JPH1: variants seen among roughly 807,000 people sequenced by gnomAD.
JPH1 encodes junctophilin-1.
JPH1 carries 12 observed loss-of-function variants against 53.6 expected under a neutral mutation model. That is an observed-to-expected ratio of 0.22 (90% confidence interval 0.14 to 0.36). JPH1 has a LOEUF of 0.36. Among genes scored for constraint, JPH1 ranks in the 10% least tolerant of loss-of-function variants. The pLI is 1.00. For synonymous variants in JPH1, 375 were observed against 363.8 expected, an observed-to-expected ratio of 1.03 and a Z score of -0.35; for missense variants, 808 against 905.5, an observed-to-expected ratio of 0.89 and a Z score of 1.38.
chr8:74,243,289 T>G (rs1193734423), intron 4 of JPH1, among the ~76,000 whole-genome samples: 1 of 152,232 alleles, frequency 6.6e-6, no homozygotes. Flanking sequence ...AAATGAATGC[T>G]TACTGAAGAG....
intron 2 of JPH1, among the ~76,000 whole-genome samples, chr8:74,260,501 T>A (rs968013145): frequency 1.8e-4 from 28 of 152,318 alleles, no homozygotes; most frequent in African/African-American, 6.3e-4. Context: ...CTTTGTAAAT[T>A]TTCTATTATA....
chr8:74,285,127 G>C (rs1807125475), intron 2 of JPH1, among the ~76,000 whole-genome samples: 1 of 151,850 alleles, frequency 6.6e-6, no homozygotes, highest in Non-Finnish European at 1.5e-5. Flanking sequence ...CTAGCCTATG[G>C]TTACTATTTC....
intron 2 of JPH1, among the ~76,000 whole-genome samples, chr8:74,271,498 A>G (rs1405524814): frequency 1.3e-5 from 2 of 152,212 alleles, no homozygotes; most frequent in Non-Finnish European, 2.9e-5. Flanking sequence ...ACATGACAAC[A>G]GATTTGGTGA....
rs147819768 is a variant in JPH1 at position 74,257,068 on chromosome 8, G to A, written c.1258+2317C>T. On this transcript the variant is annotated intron_variant, in intron 3 of 5. Coordinates refer to ENST00000342232, the MANE Select transcript of JPH1 (RefSeq NM_020647.4). ...TGTAAATGCAAAGTGGAGAGCATGA[G>A]TTATGCTCCCTTAAGAAGATCAATA... Among the ~76,000 whole-genome samples the A allele has an allele frequency of 4.3e-3, 649 of 152,304 alleles. 1 individual carries two copies. The highest frequency in any genetic ancestry group is 0.014 in the African/African-American group (590 of 41,564).
chr8:74,295,971 AC>A (rs947367544), intron 2 of JPH1, among the ~76,000 whole-genome samples: 39 of 142,264 alleles, frequency 2.7e-4, no homozygotes, highest in African/African-American at 9.4e-4. Flanking sequence ...ACGAATAATC[AC>A]CATTTCCACG....
chr8:74,317,123 C>T (rs1311903029), intron 1 of JPH1, among the ~76,000 whole-genome samples: 1 of 152,178 alleles, frequency 6.6e-6, no homozygotes, highest in African/African-American at 2.4e-5. Flanking sequence ...GGCAAAAATG[C>T]TAGTGGTTTT....
At chr8:74,246,138 A>C (rs960072058) in intron 3 of JPH1, among the ~76,000 whole-genome samples, 1 of 152,100 alleles carries the variant, frequency 6.6e-6, no homozygotes, top group Non-Finnish European at 1.5e-5. Flanking sequence ...CCCATCTGCC[A>C]CTTTTCGCCT....
At chr8:74,314,263 A>G (rs1012665359) in intron 2 of JPH1, among the ~76,000 whole-genome samples, 1 of 152,224 alleles carries the variant, frequency 6.6e-6, no homozygotes, top group African/African-American at 2.4e-5. Flanking sequence ...GTTGTTTTTA[A>G]CAATGCATGC....
rs374945693 is a variant in JPH1 at position 74,249,862 on chromosome 8, TAA to T, written c.1259-4689_1259-4688del. On this transcript the variant is annotated intron_variant, in intron 3 of 5. Transcript: ENST00000342232. The stretch of plus-strand genomic sequence containing the variant: ...AACACTGGTCCATAATAACCTGTGC[TAA>T]AGACTTCACTCTAAATAATTGATGC... 1.5e-3 allele frequency among the ~76,000 whole-genome samples: 231 copies of T among 152,238 alleles called. 1 individual carries two copies. The highest frequency in any genetic ancestry group is 5.3e-3 in the African/African-American group (222 of 41,510).
chr8:74,250,402 G>T (rs948578700), intron 3 of JPH1, among the ~76,000 whole-genome samples: 53 of 152,120 alleles, frequency 3.5e-4, no homozygotes, highest in Non-Finnish European at 2.9e-4. Flanking sequence ...CAGAGTGCTG[G>T]GATTACAGGC....
At chr8:74,274,000 T>C (rs1039183137) in intron 2 of JPH1, among the ~76,000 whole-genome samples, 1 of 152,230 alleles carries the variant, frequency 6.6e-6, no homozygotes, top group Non-Finnish European at 1.5e-5. Context: ...CCACTTGTTC[T>C]GGGCTATTTT....
chr8:74,238,702 G>C (rs1805612138), intron 4 of JPH1, among the ~76,000 whole-genome samples: 1 of 152,202 alleles, frequency 6.6e-6, no homozygotes, highest in Non-Finnish European at 1.5e-5. Context: ...CTGTCACCCA[G>C]ACTGGAATGC....
intron 2 of JPH1, among the ~76,000 whole-genome samples, chr8:74,272,227 A>G (rs1202777845): frequency 6.6e-6 from 1 of 151,550 alleles, no homozygotes; most frequent in Non-Finnish European, 1.5e-5. Flanking sequence ...ACCTCCAACA[A>G]AACCTCAACA....
chr8:74,278,526 G>T (rs1232340972), intron 2 of JPH1, among the ~76,000 whole-genome samples: 2 of 152,286 alleles, frequency 1.3e-5, no homozygotes, highest in East Asian at 3.9e-4. Flanking sequence ...GAGGAATGCT[G>T]CCACCAGAAG....
At chr8:74,274,929 C>T (rs781605879) in intron 2 of JPH1, among the ~76,000 whole-genome samples, 3 of 152,110 alleles carry the variant, frequency 2.0e-5, no homozygotes, top group Admixed American at 6.5e-5. Context: ...CCTAGCAGAT[C>T]TGGAGGAATT....
intron 4 of JPH1, among the ~76,000 whole-genome samples, chr8:74,242,688 C>T (rs569133494): frequency 1.3e-5 from 2 of 152,180 alleles, no homozygotes; most frequent in East Asian, 1.9e-4. Flanking sequence ...TTAGAATCTT[C>T]GCGTGAAGGT....
At chr8:74,290,189 T>C (rs1807282736) in intron 2 of JPH1, among the ~76,000 whole-genome samples, 1 of 152,102 alleles carries the variant, frequency 6.6e-6, no homozygotes, top group African/African-American at 2.4e-5. Flanking sequence ...AAAGAGGAAG[T>C]CAAATTATCC....
At chr8:74,267,295 G>A (rs1806561456) in intron 2 of JPH1, among the ~76,000 whole-genome samples, 1 of 152,214 alleles carries the variant, frequency 6.6e-6, no homozygotes, top group Non-Finnish European at 1.5e-5. Context: ...ACTGGGGACT[G>A]AGACAAAAGT....
chr8:74,247,783 A>G (rs1299207867), intron 3 of JPH1, among the ~76,000 whole-genome samples: 3 of 152,186 alleles, frequency 2.0e-5, no homozygotes, highest in African/African-American at 7.2e-5. Flanking sequence ...TTGAGGTGAT[A>G]AATAGGTTAA....
Sources: allele counts gnomAD v4.1 joint callset (sites outside exome capture counted in the v4.1 genomes callset), GRCh38; gene constraint gnomAD v4.1.1; transcripts MANE v1.5; gene names NCBI Gene and HGNC (gene_info 2026-07-23, HGNC 2026-07-21).